ATP6V1H: variants seen among roughly 807,000 people sequenced by gnomAD.
The protein encoded by ATP6V1H is ATPase H+ transporting V1 subunit H, also known as V-type proton ATPase subunit H.
A neutral mutation model predicts 71.7 loss-of-function variants in ATP6V1H; 39 were observed. That is an observed-to-expected ratio of 0.54 (90% CI 0.42 to 0.71). The LOEUF (loss-of-function observed/expected upper bound fraction) is 0.71. Ranked by LOEUF, ATP6V1H falls within the 30% of genes least tolerant of loss-of-function variation. The pLI is 0.00. For synonymous variants in ATP6V1H, 192 were observed against 199.3 expected, an observed-to-expected ratio of 0.96 and a Z score of 0.31; for missense variants, 509 against 594.9, an observed-to-expected ratio of 0.86 and a Z score of 1.50.
At chr8:53,788,519 A>T (rs988218036) in intron 9 of ATP6V1H, among the ~76,000 whole-genome samples, 5 of 152,230 alleles carry the variant, frequency 3.3e-5, no homozygotes, top group African/African-American at 1.2e-4. Context: ...AACTGTTATT[A>T]TTCCATGATT....
At chr8:53,824,823 A>AAGGG (rs1447437059) in intron 4 of ATP6V1H, among the ~76,000 whole-genome samples, 1 of 151,984 alleles carries the variant, frequency 6.6e-6, no homozygotes, top group Non-Finnish European at 1.5e-5. Context: ...AAAAATAGAA[A>AAGGG]ATTATAAAAT....
intron 9 of ATP6V1H, among the ~76,000 whole-genome samples, chr8:53,785,500 G>A (rs935115978): frequency 1.6e-4 from 25 of 152,178 alleles, no homozygotes; most frequent in Admixed American, 5.2e-4. Flanking sequence ...CCTTTAGCTC[G>A]GAGTAGTTCG....
In ATP6V1H at chr8:53,769,502, C is replaced by A. The variant is rs1040738746; in HGVS notation, c.1175+116G>T. On this transcript the variant is annotated intron_variant, in intron 11 of 13. Transcript: ENST00000359530. ...AAAGGCATTCAACCACATTAGTCAG[C>A]AAGAAAATACAAATTAAAACCATAG... 4 of 1,076,932 alleles carry A rather than the reference C, an allele frequency of 3.7e-6. No individual in the cohort carries two copies. In the Admixed American group the frequency reaches 9.2e-5, roughly 25 times the overall value. 66.7% of individuals were successfully genotyped at this position (1,076,932 alleles called of 1,614,324 possible). A position where few individuals can be genotyped will look rare whatever the true frequency, so the allele number is the denominator to read the frequency against.
intron 4 of ATP6V1H, 82 bp downstream of exon 4, chr8:53,829,362 G>A: frequency 1.2e-6 from 1 of 844,736 alleles, no homozygotes; most frequent in Non-Finnish European, 2.0e-6. Flanking sequence ...TGTTCTAAGT[G>A]AAATCTCACC....
chr8:53,836,420 C>T (rs1811162369), intron 2 of ATP6V1H, among the ~76,000 whole-genome samples: 1 of 152,054 alleles, frequency 6.6e-6, no homozygotes, highest in Non-Finnish European at 1.5e-5. Context: ...TTTTTCTTTC[C>T]TTGTTTAAGT....
At chr8:53,837,658 G>A (rs1423017628) in intron 2 of ATP6V1H, among the ~76,000 whole-genome samples, 3 of 152,168 alleles carry the variant, frequency 2.0e-5, no homozygotes, top group Admixed American at 6.5e-5. Context: ...AGATCAAGAA[G>A]GCGGGAGCTA....
chr8:53,753,020 A>G (rs1374277775), intron 12 of ATP6V1H, among the ~76,000 whole-genome samples: 1 of 151,816 alleles, frequency 6.6e-6, no homozygotes, highest in Non-Finnish European at 1.5e-5. Flanking sequence ...TCCACTGAAC[A>G]CCCATAAAGT....
At chr8:53,813,317 C>A (rs1331322378) in intron 6 of ATP6V1H, among the ~76,000 whole-genome samples, 1 of 152,080 alleles carries the variant, frequency 6.6e-6, no homozygotes, top group Non-Finnish European at 1.5e-5. Context: ...CAATTAGGCT[C>A]CCCTAAAAAA....
intron 9 of ATP6V1H, among the ~76,000 whole-genome samples, chr8:53,783,795 A>G (rs1178335632): frequency 6.6e-6 from 1 of 152,080 alleles, no homozygotes; most frequent in Non-Finnish European, 1.5e-5. Context: ...TCATTTTGTT[A>G]TGTCCCCAGT....
chr8:53,720,093 A>C (rs557642088), intron 13 of ATP6V1H, among the ~76,000 whole-genome samples: 1 of 152,354 alleles, frequency 6.6e-6, no homozygotes, highest in African/African-American at 2.4e-5. Flanking sequence ...TCAATACAAT[A>C]AAATTTCAAC....
At chr8:53,788,345 A>G (rs930552370) in intron 9 of ATP6V1H, among the ~76,000 whole-genome samples, 1 of 152,202 alleles carries the variant, frequency 6.6e-6, no homozygotes, top group African/African-American at 2.4e-5. Flanking sequence ...ATTATAAGTA[A>G]AAATTTGAAA....
rs553407988 is a variant in ATP6V1H at position 53,775,526 on chromosome 8, ATTAG to A, written c.871-3363_871-3360del. On this transcript the variant is annotated intron_variant, in intron 9 of 13. Transcript: ENST00000359530. ...CAAAGGTTCTCCACGTCCCCATCAG[ATTAG>A]TTAGATACAGAGTTTGGACACACAG... is the stretch of plus-strand genomic sequence containing the variant. Among the ~76,000 whole-genome samples the A allele has an allele frequency of 4.9e-3, 740 of 152,262 alleles. 6 individuals carry two copies. The highest frequency in any genetic ancestry group is 0.016 in the African/African-American group (682 of 41,540).
chr8:53,770,534 G>T (rs2130314612), intron 10 of ATP6V1H, among the ~76,000 whole-genome samples: 1 of 152,240 alleles, frequency 6.6e-6, no homozygotes, highest in South Asian at 2.1e-4. Flanking sequence ...GTTGATCAGA[G>T]GGTACCATTT....
intron 7 of ATP6V1H, among the ~76,000 whole-genome samples, chr8:53,808,204 C>T (rs1810154299): frequency 6.6e-6 from 1 of 152,146 alleles, no homozygotes; most frequent in South Asian, 2.1e-4. Context: ...AAAATGAAAA[C>T]AGAGAAAGAA....
chr8:53,817,374 TAA>T, intron 5 of ATP6V1H, 41 bp downstream of exon 5: 1 of 1,410,390 alleles, frequency 7.1e-7, no homozygotes, highest in Non-Finnish European at 9.9e-7. Flanking sequence ...CCTCTCTCTT[TAA>T]AAAAATTTTA....
At chr8:53,729,161 AC>A (rs1397497726) in intron 13 of ATP6V1H, among the ~76,000 whole-genome samples, 3 of 151,766 alleles carry the variant, frequency 2.0e-5, no homozygotes, top group African/African-American at 7.3e-5. Flanking sequence ...AGAGACTAGC[AC>A]CACATGTTTT....
rs909447406 is a variant in ATP6V1H at position 53,715,763 on chromosome 8, T to C, written c.*201A>G. ...GTATATGTAACAGTAATATTTTCTT[T>C]AAATACAGAATCACCTACTTTTATA... On this transcript the variant is annotated 3_prime_UTR_variant, in exon 14 of 14. Transcript: ENST00000359530. 6.5e-6 allele frequency: 3 copies of C among 462,278 alleles called. No individual in the cohort carries two copies. The highest frequency in any genetic ancestry group is 1.2e-5 in the Non-Finnish European group (3 of 257,936). The allele number at this position is 462,278 out of a possible 1,614,324, so 28.6% of individuals were successfully genotyped here. A position where few individuals can be genotyped will look rare whatever the true frequency, so the allele number is the denominator to read the frequency against.
chr8:53,780,470 G>A (rs893522587), intron 9 of ATP6V1H, among the ~76,000 whole-genome samples: 8 of 152,034 alleles, frequency 5.3e-5, no homozygotes, highest in African/African-American at 1.2e-4. Flanking sequence ...AACTGAATCT[G>A]CCAGAAATAA....
At chr8:53,819,551 T>C (rs1309758395) in intron 4 of ATP6V1H, among the ~76,000 whole-genome samples, 6 of 73,396 alleles carry the variant, frequency 8.2e-5, no homozygotes, top group African/African-American at 4.0e-4. Flanking sequence ...AAAAAGCATA[T>C]ATATATATAT....
Sources: gnomAD v4.1 joint callset for allele counts (sites outside exome capture counted in the v4.1 genomes callset) on GRCh38, gnomAD v4.1.1 for gene constraint, MANE v1.5 for transcripts, NCBI Gene and HGNC (gene_info 2026-07-23, HGNC 2026-07-21) for gene names.